The following C8B variants were observed in gnomAD, a reference collection of about 807,000 sequenced individuals.
C8B encodes the protein complement C8 beta chain.
Under a neutral mutation model 64.6 loss-of-function variants are expected in C8B, and 67 were observed. The ratio of observed to expected loss-of-function variants is 1.04; its 90% CI spans 0.85 to 1.27. The LOEUF (loss-of-function observed/expected upper bound fraction) is 1.27, where lower values mean the gene tolerates loss of function less well. Among genes scored for constraint, C8B ranks in the 50% most tolerant of loss-of-function variants. The pLI, the probability that C8B is intolerant of heterozygous loss-of-function variation, is 0.00. For synonymous variants in C8B, 284 were observed against 257.7 expected, an observed-to-expected ratio of 1.10 and a Z score of -0.98; for missense variants, 790 against 725.2, an observed-to-expected ratio of 1.09 and a Z score of -1.03.
intron 1 of C8B, among the ~76,000 whole-genome samples, chr1:56,961,530 G>A (rs777771026): frequency 8.5e-5 from 13 of 152,128 alleles, no homozygotes; most frequent in East Asian, 1.9e-4. Context: ...GAGTATATAC[G>A]GGTTTTGTCC....
rs781478248 is a variant in C8B, at chr1:56,956,753, C to T, written c.391+16G>A. 1.5e-5 allele frequency: 25 copies of T among 1,613,558 alleles called. No individual in the cohort carries two copies. The South Asian group carries it at 2.4e-4, about 16-fold the overall frequency. On this transcript the variant is annotated intron_variant, in intron 3 of 11. Transcript: ENST00000371237. ...CATTTCAGGCTTTCCCCTCTTACTC[C>T]TACATTGATTTATACCTGTCTGTGC...
chr1:56,931,715 T>A, intron 11 of C8B, 95 bp downstream of exon 11: 1 of 804,302 alleles, frequency 1.2e-6, no homozygotes, highest in South Asian at 1.4e-5. Context: ...TCAGGTTTCC[T>A]AGTATCCAGC....
At chr1:56,951,767 C>A (rs1212775607) in intron 5 of C8B, among the ~76,000 whole-genome samples, 1 of 152,196 alleles carries the variant, frequency 6.6e-6, no homozygotes, top group Non-Finnish European at 1.5e-5. Context: ...GGCAGAGCCA[C>A]CAAGTCAGTG....
chr1:56,955,242 A>G (rs1407416456), intron 3 of C8B, among the ~76,000 whole-genome samples: 1 of 152,180 alleles, frequency 6.6e-6, no homozygotes, highest in Non-Finnish European at 1.5e-5. Context: ...AATAAATAAA[A>G]CAGTACTGAC....
chr1:56,960,232 TCCAA>T (rs1645158899), intron 1 of C8B, 56 bp from the exon 2 acceptor site: 1 of 1,478,790 alleles, frequency 6.8e-7, no homozygotes, highest in African/African-American at 1.4e-5. Flanking sequence ...TAAGTATACA[TCCAA>T]CCATCTATTT....
intron 1 of C8B, among the ~76,000 whole-genome samples, chr1:56,961,167 G>A (rs1468965331): frequency 6.6e-6 from 1 of 152,188 alleles, no homozygotes; most frequent in African/African-American, 2.4e-5. Flanking sequence ...TTCTTCCTCT[G>A]TAATATGAAG....
At chr1:56,954,632 A>G in intron 4 of C8B, 54 bp downstream of exon 4, 1 of 1,609,350 alleles carries the variant, frequency 6.2e-7, no homozygotes, top group South Asian at 1.1e-5. Context: ...ATCCGCCAGA[A>G]TTCCATTTAA....
intron 11 of C8B, among the ~76,000 whole-genome samples, chr1:56,929,805 C>T (rs932354229): frequency 6.6e-6 from 1 of 152,144 alleles, no homozygotes; most frequent in Non-Finnish European, 1.5e-5. Flanking sequence ...ATTCACCCCT[C>T]GGATCTCAGT....
At chr1:56,943,658 C>T (rs754462565) in intron 8 of C8B, 38 bp downstream of exon 8, 2 of 1,612,990 alleles carry the variant, frequency 1.2e-6, no homozygotes, top group South Asian at 2.2e-5. Flanking sequence ...GGAGGATAAA[C>T]ATTATAAGTG....
chr1:56,944,304 C>A (rs1644910788), intron 7 of C8B, among the ~76,000 whole-genome samples: 1 of 152,142 alleles, frequency 6.6e-6, no homozygotes, highest in Non-Finnish European at 1.5e-5. Context: ...TCCCTGATTT[C>A]TTCTTCATTT....
chr1:56,949,152 A>G (rs186662273), intron 6 of C8B, among the ~76,000 whole-genome samples: 3 of 152,248 alleles, frequency 2.0e-5, no homozygotes, highest in Admixed American at 2.0e-4. Context: ...TCCAAAACTC[A>G]TGTTGAAATT....
At position 56,952,887 on chromosome 1, in the gene C8B, G is replaced by A. The variant is rs569724725; in HGVS notation, c.534-707C>T. 2.1e-4 allele frequency among the ~76,000 whole-genome samples: 32 copies of A among 152,296 alleles called. 1 individual carries two copies. In the East Asian group the frequency reaches 4.8e-3, roughly 23 times the overall value. On this transcript the variant is annotated intron_variant, in intron 4 of 11. Transcript: ENST00000371237. ...AAGTCCTTAAAACACTACTTGGTCC[G>A]CGATAAATGTGCTATTTATGTATTT...
intron 3 of C8B, among the ~76,000 whole-genome samples, chr1:56,955,188 G>T (rs927837262): frequency 6.6e-6 from 1 of 152,086 alleles, no homozygotes; most frequent in Admixed American, 6.6e-5. Context: ...TGTAAAATAG[G>T]AAAGTAAAAT....
intron 9 of C8B, among the ~76,000 whole-genome samples, chr1:56,937,730 A>C (rs2101374354): frequency 6.6e-6 from 1 of 152,068 alleles, no homozygotes; most frequent in East Asian, 1.9e-4. Context: ...TACACTAAAA[A>C]ATTATTCCTT....
At chr1:56,947,826 G>A (rs1254166681) in intron 6 of C8B, among the ~76,000 whole-genome samples, 1 of 152,098 alleles carries the variant, frequency 6.6e-6, no homozygotes, top group Non-Finnish European at 1.5e-5. Flanking sequence ...AGCTGCTTGG[G>A]AGGCTGAGGC....
intron 3 of C8B, among the ~76,000 whole-genome samples, chr1:56,956,500 C>T (rs1016297396): frequency 6.6e-6 from 1 of 152,172 alleles, no homozygotes; most frequent in Non-Finnish European, 1.5e-5. Flanking sequence ...CCAATAGAAA[C>T]TTTTCCACTT....
At chr1:56,932,457 G>A (rs1461521939) in intron 10 of C8B, among the ~76,000 whole-genome samples, 1 of 152,102 alleles carries the variant, frequency 6.6e-6, no homozygotes, top group Non-Finnish European at 1.5e-5. Context: ...TCACTCTATA[G>A]CCTCAGGTGG....
rs766702799 is a variant in C8B, at chr1:56,940,992, T to A, written c.1255A>T (p.Met419Leu). ...ACCAGGACCACCAAGTCCTCCACCA[T>A]GGTGTCCCTCTTGTTTCTGTCTGGA... ...EIKDRNKRDT[M>L]VEDLVVLVRG... Residue 419 changes from methionine to leucine, a missense_variant, in exon 9 of 12, where the codon ATG (methionine) becomes TTG (leucine). Transcript: ENST00000371237. 4 of 1,614,006 alleles carry A rather than the reference T, an allele frequency of 2.5e-6. No individual in the cohort carries two copies. The highest frequency in any genetic ancestry group is 2.2e-5 in the East Asian group (1 of 44,872).
chr1:56,960,697 G>A (rs990791363), intron 1 of C8B, among the ~76,000 whole-genome samples: 1 of 152,228 alleles, frequency 6.6e-6, no homozygotes, highest in Non-Finnish European at 1.5e-5. Flanking sequence ...ACCAGCATAT[G>A]AGATGCTTCT....
Sources: allele counts gnomAD v4.1 joint callset (sites outside exome capture counted in the v4.1 genomes callset), GRCh38; gene constraint gnomAD v4.1.1; transcripts MANE v1.5; gene names NCBI Gene and HGNC (gene_info 2026-07-23, HGNC 2026-07-21).